ARHGAP22: variants seen among roughly 807,000 people sequenced by gnomAD.
The protein encoded by ARHGAP22 is Rho GTPase activating protein 22.
Under a neutral mutation model 59.1 loss-of-function variants are expected in ARHGAP22, and 48 were observed. The observed-to-expected ratio is 0.81, with a 90% CI of 0.64 to 1.03. ARHGAP22 has a LOEUF of 1.03. ARHGAP22 is among the 50% of genes least tolerant of loss of function. The pLI is 0.00. For synonymous variants in ARHGAP22, 445 were observed against 416.4 expected (o/e 1.07, Z -0.84); for missense variants, 1,015 against 958.7 (o/e 1.06, Z -0.78).
Position 48,645,839 on chromosome 10 carries a change from C to T in ARHGAP22, c.52+6395G>A, listed in dbSNP as rs371155595. ...GAGAGACAAAGGGAAAAAAGAGGGTCGGGAGAGGGAAGGAGGGGAAGAGAG... is the reference window on the plus strand; with the variant it reads ...GAGAGACAAAGGGAAAAAAGAGGGTTGGGAGAGGGAAGGAGGGGAAGAGAG... On this transcript the variant is annotated intron_variant, in intron 1 of 9. Transcript: ENST00000435790. 2.1e-4 allele frequency among the ~76,000 whole-genome samples: 32 copies of T among 151,690 alleles called. No individual in the cohort carries two copies. In the East Asian group the frequency reaches 5.6e-3, roughly 27 times the overall value.
intron 3 of ARHGAP22, among the ~76,000 whole-genome samples, chr10:48,501,697 C>A (rs2051535085): frequency 6.6e-6 from 1 of 151,408 alleles, no homozygotes; most frequent in Non-Finnish European, 1.5e-5. Context: ...ACAACTTAAC[C>A]TTTCATCAAA....
chr10:48,459,740 G>GT lies in ARHGAP22; in HGVS notation c.602dup (p.Asn201LysfsTer19). 1 of 1,614,162 alleles carries GT rather than the reference G, an allele frequency of 6.2e-7. No individual in the cohort carries two copies. Among genetic ancestry groups the GT allele is most frequent in the Non-Finnish European group, 8.5e-7 (1 of 1,180,034 alleles). On this transcript the variant is annotated frameshift_variant, in exon 5 of 10. Coordinates refer to ENST00000249601, the MANE Select transcript of ARHGAP22 (RefSeq NM_021226.4). LOFTEE classifies it high-confidence loss of function. ...AGGAATCCTGCAGGTCCCTCACCAG[G>GT]TTGGCCTGGCCTGGCATGCGGAACA...
At chr10:48,435,016 GCTGCTGTAGATGACTACTTGGGCCATC>G in the ARHGAP22 span, 1 of 1,605,784 alleles carries the variant, frequency 6.2e-7, no homozygotes, top group Non-Finnish European at 8.5e-7. Flanking sequence ...GGGCCTCTGG[GCTGCTGTAGATGACTACTTGGGCCATC>G]GGGGGGTGGG....
At chr10:48,577,873 C>A (rs887746292) in intron 2 of ARHGAP22, among the ~76,000 whole-genome samples, 1 of 127,728 alleles carries the variant, frequency 7.8e-6, no homozygotes, top group South Asian at 2.7e-4. Context: ...AGTGCAGTAG[C>A]GCTTATCTTG....
At chr10:48,552,832 C>T (rs2057005782) in intron 3 of ARHGAP22, among the ~76,000 whole-genome samples, 1 of 152,192 alleles carries the variant, frequency 6.6e-6, no homozygotes, top group African/African-American at 2.4e-5. Context: ...TCGTTTTTAG[C>T]CCCAACATGG....
intron 3 of ARHGAP22, among the ~76,000 whole-genome samples, chr10:48,542,748 G>A: frequency 6.6e-6 from 1 of 152,214 alleles, no homozygotes; most frequent in East Asian, 1.9e-4. Context: ...GTGGGGATGG[G>A]TCTGTTGCCC....
intron 1 of ARHGAP22, among the ~76,000 whole-genome samples, chr10:48,594,221 C>T (rs942720618): frequency 2.0e-5 from 3 of 152,322 alleles, no homozygotes; most frequent in East Asian, 3.9e-4. Flanking sequence ...CAGCCCACAA[C>T]GAACAGGCCA....
At chr10:48,625,337 T>C (rs1404965202) in intron 1 of ARHGAP22, among the ~76,000 whole-genome samples, 1 of 152,092 alleles carries the variant, frequency 6.6e-6, no homozygotes, top group East Asian at 1.9e-4. Context: ...CAAACAGCTC[T>C]CAGAGTTAGA....
the ARHGAP22 span, chr10:48,438,824 C>T: frequency 1.3e-5 from 2 of 152,286 alleles, no homozygotes; most frequent in Admixed American, 6.5e-5. Context: ...AAATTGTGCT[C>T]GTTGACATTA....
chr10:48,566,026 T>C (rs977060027), intron 2 of ARHGAP22, among the ~76,000 whole-genome samples: 2 of 152,070 alleles, frequency 1.3e-5, no homozygotes, highest in African/African-American at 4.8e-5. Flanking sequence ...GCCTTTGGAG[T>C]TTGTGACAGT....
At chr10:48,451,322 G>A in intron 8 of ARHGAP22, 182 bp from the exon 9 acceptor site, 1 of 862,690 alleles carries the variant, frequency 1.2e-6, no homozygotes. Flanking sequence ...CTCCAGGCAG[G>A]ACAGCAGGAT....
intron 1 of ARHGAP22, among the ~76,000 whole-genome samples, chr10:48,621,747 C>T (rs1439099606): frequency 2.0e-5 from 3 of 152,214 alleles, no homozygotes; most frequent in Non-Finnish European, 4.4e-5. Context: ...AATTGAGATA[C>T]TGAAATTTCC....
At chr10:48,538,134 C>T (rs189010852) in intron 3 of ARHGAP22, among the ~76,000 whole-genome samples, 34 of 152,264 alleles carry the variant, frequency 2.2e-4, no homozygotes, top group Middle Eastern at 3.4e-3. Flanking sequence ...GCTCTAAAGG[C>T]TTGAGGGAGG....
rs1589133017 is a variant in ARHGAP22 at position 48,604,906 on chromosome 10, C to G, written c.-110G>C. The G allele has an allele frequency of 1.3e-6, 2 of 1,583,590 alleles. No homozygotes were observed. Among genetic ancestry groups the G allele is most frequent in the Admixed American group, 1.7e-5 (1 of 57,848 alleles). ...CTCATGTCCTGCTCGTTCGGGGCCCCGTGGCCGCTGGCGTCACCCGTCAGG... is the reference window on the plus strand; with the variant it reads ...CTCATGTCCTGCTCGTTCGGGGCCCGGTGGCCGCTGGCGTCACCCGTCAGG... On this transcript the variant is annotated 5_prime_UTR_variant, in exon 1 of 10. Coordinates refer to ENST00000249601, the MANE Select transcript of ARHGAP22 (RefSeq NM_021226.4).
intron 3 of ARHGAP22, among the ~76,000 whole-genome samples, chr10:48,495,992 C>T (rs1178737597): frequency 6.6e-6 from 1 of 152,106 alleles, no homozygotes; most frequent in Admixed American, 6.5e-5. Flanking sequence ...GTGGATCTCC[C>T]ATCAGTCAAG....
chr10:48,502,730 C>T (rs2051652000), intron 3 of ARHGAP22, among the ~76,000 whole-genome samples: 1 of 152,214 alleles, frequency 6.6e-6, no homozygotes, highest in Non-Finnish European at 1.5e-5. Flanking sequence ...GCCCTTCATC[C>T]ACTCCCAAAT....
chr10:48,582,444 T>G (rs943292155), intron 2 of ARHGAP22, among the ~76,000 whole-genome samples: 31 of 152,026 alleles, frequency 2.0e-4, no homozygotes, highest in African/African-American at 7.3e-4. Flanking sequence ...TCTGAGGGAG[T>G]AAACTTAGTG....
At chr10:48,543,031 G>A (rs2056108032) in intron 3 of ARHGAP22, among the ~76,000 whole-genome samples, 1 of 152,206 alleles carries the variant, frequency 6.6e-6, no homozygotes, top group South Asian at 2.1e-4. Context: ...GGACCTGGCT[G>A]CTGGTGGGCA....
chr10:48,600,471 A>G (rs187353940), intron 1 of ARHGAP22, among the ~76,000 whole-genome samples: 2 of 151,978 alleles, frequency 1.3e-5, no homozygotes, highest in Non-Finnish European at 2.9e-5. Flanking sequence ...AGATTTGTGC[A>G]TTTTACTCTG....
Sources: allele counts gnomAD v4.1 joint callset (sites outside exome capture counted in the v4.1 genomes callset), GRCh38; gene constraint gnomAD v4.1.1; transcripts MANE v1.5; gene names NCBI Gene and HGNC (gene_info 2026-07-23, HGNC 2026-07-21).